The following RALYL variants were observed in gnomAD, a reference collection of about 807,000 sequenced individuals.
The protein encoded by RALYL is RNA-binding Raly-like protein.
A neutral mutation model predicts 35.1 loss-of-function variants in RALYL; 29 were observed. The observed-to-expected ratio is 0.83, with a 90% CI of 0.61 to 1.13. The LOEUF (loss-of-function observed/expected upper bound fraction) is 1.13, where lower values mean the gene tolerates loss of function less well. RALYL is among the 50% of genes most tolerant of loss of function. The probability of loss-of-function intolerance (pLI) is 0.00; values close to 1 mark genes in which losing one functional copy is unlikely to be tolerated. For synonymous variants in RALYL, 120 were observed against 127.6 expected (o/e 0.94, Z 0.40); for missense variants, 359 against 360.4 (o/e 1.00, Z 0.03).
intron 2 of RALYL, among the ~76,000 whole-genome samples, chr8:84,634,899 G>A (rs909609001): frequency 3.3e-5 from 5 of 151,676 alleles, no homozygotes; most frequent in African/African-American, 4.8e-5. Context: ...TTGATTCCAC[G>A]GCATTTATTG....
chr8:84,308,653 A>G (rs1380769121), intron 1 of RALYL, among the ~76,000 whole-genome samples: 3 of 152,240 alleles, frequency 2.0e-5, no homozygotes, highest in African/African-American at 7.2e-5. Context: ...GGATTTTAAT[A>G]GTACATCCCA....
At chr8:84,267,166 A>T (rs1220469910) in intron 1 of RALYL, among the ~76,000 whole-genome samples, 1 of 152,142 alleles carries the variant, frequency 6.6e-6, no homozygotes, top group African/African-American at 2.4e-5. Context: ...GCTAAAGGAA[A>T]ATGACCAAAA....
At chr8:84,605,577 G>C (rs1302180966) in intron 2 of RALYL, among the ~76,000 whole-genome samples, 2 of 152,028 alleles carry the variant, frequency 1.3e-5, no homozygotes, top group Non-Finnish European at 2.9e-5. Context: ...CAGTTTTCTA[G>C]GTGATCCTGA....
chr8:84,436,198 G>T (rs1018647545), intron 1 of RALYL, among the ~76,000 whole-genome samples: 1 of 152,082 alleles, frequency 6.6e-6, no homozygotes, highest in Admixed American at 6.6e-5. Flanking sequence ...AGATGATTCT[G>T]ATATGGATGA....
At chr8:84,638,863 C>A (rs1825627210) in intron 2 of RALYL, among the ~76,000 whole-genome samples, 2 of 85,110 alleles carry the variant, frequency 2.3e-5, no homozygotes, top group African/African-American at 4.3e-5. Flanking sequence ...GTATCTAATG[C>A]ACGCATAAAT....
intron 2 of RALYL, among the ~76,000 whole-genome samples, chr8:84,664,287 T>TTC (rs1831521102): frequency 2.1e-5 from 3 of 141,102 alleles, no homozygotes; most frequent in East Asian, 4.1e-4. Context: ...TTTTTTTTTT[T>TTC]CGCTTTGGAT....
At chr8:84,787,466 G>A (rs1333252049) in intron 3 of RALYL, among the ~76,000 whole-genome samples, 5 of 152,168 alleles carry the variant, frequency 3.3e-5, no homozygotes, top group African/African-American at 1.2e-4. Context: ...ATTGTGAACA[G>A]TGCTGCAGTA....
In RALYL at chr8:84,791,122, T is replaced by A. The variant is rs145167717; in HGVS notation, c.333-13648T>A. Among the ~76,000 whole-genome samples, 163 of 152,204 alleles carry A rather than the reference T, an allele frequency of 1.1e-3. 1 individual carries two copies. The highest frequency in any genetic ancestry group is 3.9e-3 in the African/African-American group (161 of 41,518). Reference sequence around the variant, plus strand: ...AGGTAGTAGATGTTATAGAAAAAAATTAAGCTAGAAGATTTTGGAAGTAGG... The same window carrying A: ...AGGTAGTAGATGTTATAGAAAAAAAATAAGCTAGAAGATTTTGGAAGTAGG... On this transcript the variant is annotated intron_variant, in intron 3 of 8. Transcript: ENST00000521268.
chr8:84,856,754 C>T (rs1340581916), intron 5 of RALYL, among the ~76,000 whole-genome samples: 2 of 152,088 alleles, frequency 1.3e-5, no homozygotes, highest in Admixed American at 1.3e-4. Flanking sequence ...GTGGGCCGGG[C>T]GCGGTGGCTC....
At chr8:84,646,717 TTTTTG>T (rs1827579867) in intron 2 of RALYL, among the ~76,000 whole-genome samples, 1 of 152,018 alleles carries the variant, frequency 6.6e-6, no homozygotes, top group South Asian at 2.1e-4. Context: ...GTTTTATTCC[TTTTTG>T]TTTTCTTTGT....
chr8:84,604,200 C>T (rs750257312), intron 2 of RALYL, among the ~76,000 whole-genome samples: 3 of 152,074 alleles, frequency 2.0e-5, no homozygotes, highest in Non-Finnish European at 2.9e-5. Flanking sequence ...AAATAATCAG[C>T]TTCCATGCCC....
intron 2 of RALYL, among the ~76,000 whole-genome samples, chr8:84,648,411 A>G (rs966412891): frequency 6.6e-6 from 1 of 152,054 alleles, no homozygotes. Flanking sequence ...ATGTGGTTTG[A>G]TTAGAAAGTA....
chr8:84,646,892 C>G lies in RALYL; in HGVS notation c.256+117315C>G, dbSNP rs147784114. 1.3e-4 allele frequency among the ~76,000 whole-genome samples: 20 copies of G among 152,158 alleles called. No individual in the cohort carries two copies. The East Asian group carries it at 3.3e-3, about 25-fold the overall frequency. ...TCAGCATTTTGGTATTTGTATTGAA[C>G]TTTCTCACTTTGATGATGATTTTGT... On this transcript the variant is annotated intron_variant, in intron 2 of 8. Coordinates refer to ENST00000521268, the MANE Select transcript of RALYL (RefSeq NM_173848.7).
At chr8:84,328,081 C>A (rs1317005182) in intron 1 of RALYL, among the ~76,000 whole-genome samples, 1 of 152,136 alleles carries the variant, frequency 6.6e-6, no homozygotes, top group African/African-American at 2.4e-5. Context: ...CTTTCATAGT[C>A]TTTCACTTAG....
At chr8:84,587,302 T>C (rs1271772265) in intron 2 of RALYL, among the ~76,000 whole-genome samples, 3 of 152,246 alleles carry the variant, frequency 2.0e-5, no homozygotes, top group East Asian at 1.9e-4. Flanking sequence ...TCTTGAGGAA[T>C]TGATAATTGA....
Position 84,539,828 on chromosome 8 carries a change from GTATACATA to G in RALYL, c.256+10256_256+10263del, listed in dbSNP as rs1306839989. Among the ~76,000 whole-genome samples the G allele has an allele frequency of 0.033, 155 of 4,756 alleles. 6 individuals are homozygous for G. The East Asian group carries it at 0.41, about 12-fold the overall frequency. The allele number at this position is 4,756 out of a possible 152,430, so 3.1% of individuals were successfully genotyped here. Reference sequence around the variant, plus strand: ...CTCTGAATATATATTAAGTGATCAAGTATACATATATATATATATATATATGTATATAT... The same window carrying G: ...CTCTGAATATATATTAAGTGATCAAGTATATATATATATATATGTATATAT... On this transcript the variant is annotated intron_variant, in intron 2 of 8. Transcript: ENST00000521268.
chr8:84,498,575 A>G (rs2056333174), intron 1 of RALYL, among the ~76,000 whole-genome samples: 1 of 152,140 alleles, frequency 6.6e-6, no homozygotes, highest in Non-Finnish European at 1.5e-5. Context: ...CATCAATAGT[A>G]TTTTTAACTG....
At chr8:84,582,500 CT>C (rs1164846233) in intron 2 of RALYL, among the ~76,000 whole-genome samples, 1 of 152,102 alleles carries the variant, frequency 6.6e-6, no homozygotes, top group African/African-American at 2.4e-5. Flanking sequence ...AGATATTCCA[CT>C]TAACTAAATC....
chr8:84,425,270 C>G (rs6981502), intron 1 of RALYL, among the ~76,000 whole-genome samples: 2 of 152,026 alleles, frequency 1.3e-5, no homozygotes, highest in Non-Finnish European at 2.9e-5. Context: ...TTTTTTAAGC[C>G]GGTCTGAAAA....
Sources: gnomAD v4.1 joint callset for allele counts (sites outside exome capture counted in the v4.1 genomes callset) on GRCh38, gnomAD v4.1.1 for gene constraint, MANE v1.5 for transcripts, NCBI Gene and HGNC (gene_info 2026-07-23, HGNC 2026-07-21) for gene names.